Variants in DESI2 observed in about 807,000 individuals in gnomAD.
DESI2 encodes deubiquitinase DESI2.
Under a neutral mutation model 24.1 loss-of-function variants are expected in DESI2, and 10 were observed. The observed-to-expected ratio is 0.41, with a 90% confidence interval of 0.26 to 0.70. DESI2 has a LOEUF of 0.70. DESI2 is among the 30% of genes least tolerant of loss of function. The probability of loss-of-function intolerance (pLI) is 0.29; values close to 1 mark genes in which losing one functional copy is unlikely to be tolerated. For synonymous variants in DESI2, 71 were observed against 87.7 expected (o/e 0.81, Z 1.06); for missense variants, 122 against 234.9 (o/e 0.52, Z 3.14).
At chr1:244,659,134 C>G (rs150854504) in intron 1 of DESI2, among the ~76,000 whole-genome samples, 1 of 144,846 alleles carries the variant, frequency 6.9e-6, no homozygotes, top group East Asian at 2.0e-4. Flanking sequence ...AGCAAAAGGA[C>G]AGTTGTACAT....
At chr1:244,653,704 G>A in intron 1 of DESI2, 1 of 382,740 alleles carries the variant, frequency 2.6e-6, no homozygotes, top group Non-Finnish European at 4.9e-6. Context: ...CCACTTGCCG[G>A]CCCCCGGGGC....
At chr1:244,657,791 G>A (rs1675699524) in intron 1 of DESI2, among the ~76,000 whole-genome samples, 1 of 152,192 alleles carries the variant, frequency 6.6e-6, no homozygotes, top group Non-Finnish European at 1.5e-5. Context: ...AGTATGTGAA[G>A]GAAGATGGAA....
Position 244,689,159 on chromosome 1 carries a change from C to A in DESI2, c.116-90C>A, listed in dbSNP as rs1221438053. The A allele has an allele frequency of 1.4e-6, 1 of 695,384 alleles. No homozygotes were observed. Among genetic ancestry groups the A allele is most frequent in the South Asian group, 1.8e-5 (1 of 55,642 alleles). 43.1% of individuals were successfully genotyped at this position (695,384 alleles called of 1,614,324 possible). A position where few individuals can be genotyped will look rare whatever the true frequency, so the allele number is the denominator to read the frequency against. ...AAACTGAAAAATATTTAGATGGTGTCACTGTTATCCTCAATTATTAAAGCT... is the reference window on the plus strand; with the variant it reads ...AAACTGAAAAATATTTAGATGGTGTAACTGTTATCCTCAATTATTAAAGCT... On this transcript the variant is annotated intron_variant, in intron 2 of 4. Coordinates refer to ENST00000302550, the MANE Select transcript of DESI2 (RefSeq NM_016076.5). This position sits in a 1 kb window ranked among gnomAD's most constrained non-coding sequence, Gnocchi z 4.0.
chr1:244,657,587 T>G (rs923016715), intron 1 of DESI2, among the ~76,000 whole-genome samples: 8 of 152,330 alleles, frequency 5.3e-5, no homozygotes, highest in Admixed American at 5.2e-4. Flanking sequence ...AGTCAGTGGC[T>G]TAAGCTGGAA....
intron 1 of DESI2, among the ~76,000 whole-genome samples, chr1:244,678,200 TG>T (rs1420227553): frequency 6.6e-6 from 1 of 152,230 alleles, no homozygotes; most frequent in African/African-American, 2.4e-5. Flanking sequence ...CTCATTATAG[TG>T]AATTCCAAAC....
At position 244,707,961 on chromosome 1, in the gene DESI2, G is replaced by A. The variant is rs1358151498; in HGVS notation, c.*2172G>A. On this transcript the variant is annotated 3_prime_UTR_variant, in exon 5 of 5. Coordinates refer to ENST00000302550, the MANE Select transcript of DESI2 (RefSeq NM_016076.5). ...CTAACAATCAGCAGATAAAATTCTG[G>A]ACGTGAGATTCCTTATAATCTAATT... is the stretch of plus-strand genomic sequence containing the variant. 6.6e-6 allele frequency: 1 copy of A among 152,188 alleles called. No homozygotes were observed. The highest frequency in any genetic ancestry group is 1.5e-5 in the Non-Finnish European group (1 of 68,042). The allele number at this position is 152,188 out of a possible 1,614,324, so 9.4% of individuals were successfully genotyped here.
intron 4 of DESI2, among the ~76,000 whole-genome samples, chr1:244,704,124 G>T (rs1677596132): frequency 6.6e-6 from 1 of 152,184 alleles, no homozygotes; most frequent in South Asian, 2.1e-4. Context: ...TAAGCATTAA[G>T]AGGTAGGGCT....
At chr1:244,661,102 G>C (rs1412978232) in intron 1 of DESI2, among the ~76,000 whole-genome samples, 1 of 151,874 alleles carries the variant, frequency 6.6e-6, no homozygotes, top group East Asian at 1.9e-4. Flanking sequence ...TCACATTTTT[G>C]TGCAACCAGT....
chr1:244,678,228 G>C (rs1307542720), intron 1 of DESI2, among the ~76,000 whole-genome samples: 1 of 152,064 alleles, frequency 6.6e-6, no homozygotes, highest in East Asian at 1.9e-4. Context: ...CCACATTTGT[G>C]GATGGAATAT....
At chr1:244,683,460 C>T (rs1042064896) in intron 1 of DESI2, among the ~76,000 whole-genome samples, 11 of 151,754 alleles carry the variant, frequency 7.2e-5, no homozygotes, top group South Asian at 2.1e-4. Context: ...TACAAGTGCC[C>T]GCCATCACAC....
At chr1:244,699,794 G>A (rs916943053) in intron 4 of DESI2, among the ~76,000 whole-genome samples, 3 of 152,036 alleles carry the variant, frequency 2.0e-5, no homozygotes, top group Non-Finnish European at 2.9e-5. Flanking sequence ...GGCAAAGACT[G>A]ATCATCTTTG....
intron 4 of DESI2, chr1:244,694,794 GT>G: frequency 1.8e-6 from 1 of 547,578 alleles, no homozygotes; most frequent in Non-Finnish European, 3.2e-6. Flanking sequence ...TTGTTTACCT[GT>G]TTCCTTGACT....
At chr1:244,663,996 C>T (rs549428363) in intron 1 of DESI2, among the ~76,000 whole-genome samples, 194 of 124,002 alleles carry the variant, frequency 1.6e-3, no homozygotes, top group Non-Finnish European at 2.1e-3. Flanking sequence ...CCAGCCTGGG[C>T]GACAGAGTGA....
chr1:244,663,040 A>G (rs1197582466), intron 1 of DESI2, among the ~76,000 whole-genome samples: 1 of 152,182 alleles, frequency 6.6e-6, no homozygotes. Context: ...TTTAACTAGA[A>G]AGGGAGTTAG....
intron 1 of DESI2, among the ~76,000 whole-genome samples, chr1:244,659,267 T>C (rs2819018): frequency 0.21 from 32,393 of 152,008 alleles, 4,318 homozygotes; most frequent in East Asian, 0.43. Context: ...TTGTTTTCTA[T>C]TGCAGCAATA....
chr1:244,707,977 T>C lies in DESI2; in HGVS notation c.*2188T>C, dbSNP rs761489350. The C allele has an allele frequency of 2.0e-5, 3 of 152,252 alleles. No homozygotes were observed. Among genetic ancestry groups the C allele is most frequent in the Non-Finnish European group, 2.9e-5 (2 of 68,040 alleles). 9.4% of individuals were successfully genotyped at this position (152,252 alleles called of 1,614,324 possible). A position where few individuals can be genotyped will look rare whatever the true frequency, so the allele number is the denominator to read the frequency against. ...AAAATTCTGGACGTGAGATTCCTTATAATCTAATTATACCTGAGGTTGAGC... is the reference window on the plus strand; with the variant it reads ...AAAATTCTGGACGTGAGATTCCTTACAATCTAATTATACCTGAGGTTGAGC... On this transcript the variant is annotated 3_prime_UTR_variant, in exon 5 of 5. Transcript: ENST00000302550.
intron 4 of DESI2, among the ~76,000 whole-genome samples, chr1:244,692,689 GCCT>G (rs1443592420): frequency 1.3e-5 from 2 of 152,142 alleles, no homozygotes; most frequent in Admixed American, 6.5e-5. Context: ...TGCTTCAGTG[GCCT>G]CCTCTGCAGA....
chr1:244,706,942 G>GT lies in DESI2; in HGVS notation c.*1154dup, dbSNP rs1183264560. The GT allele has an allele frequency of 6.6e-6, 1 of 152,518 alleles. No homozygotes were observed. The highest frequency in any genetic ancestry group is 1.5e-5 in the Non-Finnish European group (1 of 68,024). 9.4% of individuals were successfully genotyped at this position (152,518 alleles called of 1,614,324 possible). A position where few individuals can be genotyped will look rare whatever the true frequency, so the allele number is the denominator to read the frequency against. ...GTTCTCTCAAATGTATGTCTCTTAC[G>GT]TAACATACTCTAAGAATGAAACTGT... On this transcript the variant is annotated 3_prime_UTR_variant, in exon 5 of 5. Coordinates refer to ENST00000302550, the MANE Select transcript of DESI2 (RefSeq NM_016076.5).
chr1:244,674,702 T>C (rs1190813040), intron 1 of DESI2, among the ~76,000 whole-genome samples: 2 of 152,246 alleles, frequency 1.3e-5, no homozygotes, highest in African/African-American at 2.4e-5. Flanking sequence ...CATTCCTTTT[T>C]ACTGAGAAAT....
Sources: gnomAD v4.1 joint callset for allele counts (sites outside exome capture counted in the v4.1 genomes callset) on GRCh38, gnomAD v4.1.1 for gene constraint, Gnocchi (gnomAD v3.1) non-coding constraint, MANE v1.5 for transcripts, NCBI Gene and HGNC (gene_info 2026-07-23, HGNC 2026-07-21) for gene names.